Variants in ANKRD18A observed in about 807,000 individuals in gnomAD.
The protein encoded by ANKRD18A is ankyrin repeat domain 18A.
A neutral mutation model predicts 110.6 loss-of-function variants in ANKRD18A; 72 were observed. That is an observed-to-expected ratio of 0.65 (90% CI 0.54 to 0.79). ANKRD18A has a LOEUF of 0.79. Among genes scored for constraint, ANKRD18A ranks in the 30% least tolerant of loss-of-function variants. ANKRD18A has a pLI of 0.00. For synonymous variants in ANKRD18A, 305 were observed against 410.3 expected, an observed-to-expected ratio of 0.74 and a Z score of 3.10; for missense variants, 934 against 1,163.3, an observed-to-expected ratio of 0.80 and a Z score of 2.87.
intron 11 of ANKRD18A, among the ~76,000 whole-genome samples, chr9:38,588,121 G>T (rs1245416051): frequency 2.6e-5 from 4 of 151,880 alleles, no homozygotes; most frequent in Non-Finnish European, 5.9e-5. Flanking sequence ...AAAAATAGGC[G>T]TAATGTTTTG....
chr9:38,578,447 T>G (rs1181654225), intron 12 of ANKRD18A, among the ~76,000 whole-genome samples: 1 of 152,204 alleles, frequency 6.6e-6, no homozygotes, highest in Admixed American at 6.5e-5. Context: ...CTAAGTTATC[T>G]CTTAGTAAAA....
At chr9:38,590,060 C>T (rs1424653236) in intron 10 of ANKRD18A, among the ~76,000 whole-genome samples, 1 of 152,222 alleles carries the variant, frequency 6.6e-6, no homozygotes, top group South Asian at 2.1e-4. Context: ...ATGGATGTTA[C>T]TTTGAGTACA....
chr9:38,611,444 A>T, intron 3 of ANKRD18A, 123 bp from the exon 4 acceptor site: 1 of 1,460,636 alleles, frequency 6.8e-7, no homozygotes, highest in South Asian at 1.5e-5. Flanking sequence ...AATGCAAAGC[A>T]GTCCCGTCCC....
At chr9:38,600,714 C>T (rs377305578) in intron 8 of ANKRD18A, among the ~76,000 whole-genome samples, 1,653 of 152,148 alleles carry the variant, frequency 0.011, 13 homozygotes, top group African/African-American at 0.025. Flanking sequence ...CACTGGTGAC[C>T]GGCAACATAA....
At position 38,595,910 on chromosome 9, in the gene ANKRD18A, T is replaced by C; in HGVS notation, c.1430A>G (p.His477Arg). ...DKNELLTEQV[H>R]KARVKFNTLK... ...GGTATTGAACTTCACCCGAGCTTTATGGACCTGTTCAGTAAGCAACTCATT... is the reference window on the plus strand; with the variant it reads ...GGTATTGAACTTCACCCGAGCTTTACGGACCTGTTCAGTAAGCAACTCATT... Residue 477 changes from histidine to arginine, a missense_variant, in exon 9 of 16, where the codon CAT becomes CGT. Coordinates refer to ENST00000399703, the MANE Select transcript of ANKRD18A (RefSeq NM_147195.4). 2 of 1,551,290 alleles carry C rather than the reference T, an allele frequency of 1.3e-6. No individual in the cohort carries two copies. Among genetic ancestry groups the C allele is most frequent in the South Asian group, 1.2e-5 (1 of 83,970 alleles).
In ANKRD18A at chr9:38,620,505, A is replaced by T. The variant is rs1011162569; in HGVS notation, c.-220T>A. 4.3e-4 allele frequency: 601 copies of T among 1,383,832 alleles called. 7 individuals carry two copies. Among genetic ancestry groups the T allele is most frequent in the Non-Finnish European group, 9.4e-5 (100 of 1,066,110 alleles). 85.7% of individuals were successfully genotyped at this position (1,383,832 alleles called of 1,614,324 possible). A position where few individuals can be genotyped will look rare whatever the true frequency, so the allele number is the denominator to read the frequency against. On this transcript the variant is annotated 5_prime_UTR_variant, in exon 1 of 16. Coordinates refer to ENST00000399703, the MANE Select transcript of ANKRD18A (RefSeq NM_147195.4). The stretch of plus-strand genomic sequence containing the variant: ...GTCCACCACAGCCTTCAGCAGCGAC[A>T]CTCGCAGACTCCGACCTCTCAGACC...
the ANKRD18A span, chr9:38,566,283 G>A: frequency 6.6e-6 from 1 of 152,214 alleles, no homozygotes; most frequent in South Asian, 2.1e-4. Flanking sequence ...CTGAGTCAAG[G>A]CTGCAGCCTC....
At chr9:38,605,153 T>A (rs1430021231) in intron 6 of ANKRD18A, among the ~76,000 whole-genome samples, 1 of 152,212 alleles carries the variant, frequency 6.6e-6, no homozygotes, top group Non-Finnish European at 1.5e-5. Context: ...AAGCACTATT[T>A]CAGGTAGTAA....
intron 3 of ANKRD18A, among the ~76,000 whole-genome samples, chr9:38,615,334 A>G (rs1337089005): frequency 6.6e-6 from 1 of 152,202 alleles, no homozygotes; most frequent in African/African-American, 2.4e-5. Context: ...TAGAAAAAAA[A>G]TACACCTGGG....
At chr9:38,603,236 G>C in intron 6 of ANKRD18A, 24 bp from the exon 7 acceptor site, 1 of 1,550,638 alleles carries the variant, frequency 6.4e-7, no homozygotes, top group Non-Finnish European at 8.7e-7. Flanking sequence ...AAACTTGTTA[G>C]ATATTCCTTC....
At chr9:38,606,300 A>G (rs1160125909) in intron 6 of ANKRD18A, among the ~76,000 whole-genome samples, 1 of 140,272 alleles carries the variant, frequency 7.1e-6, no homozygotes, top group Non-Finnish European at 1.5e-5. Flanking sequence ...GAACAACAAG[A>G]GTTTGAACTG....
intron 12 of ANKRD18A, among the ~76,000 whole-genome samples, chr9:38,583,423 GC>G (rs1300539720): frequency 6.6e-6 from 1 of 152,078 alleles, no homozygotes; most frequent in Non-Finnish European, 1.5e-5. Context: ...TTGTTCCGTA[GC>G]CCAGGCTGGA....
chr9:38,573,342 T>G (rs1823735542), intron 15 of ANKRD18A, among the ~76,000 whole-genome samples: 1 of 152,204 alleles, frequency 6.6e-6, no homozygotes, highest in Non-Finnish European at 1.5e-5. Flanking sequence ...GTAATGCTAT[T>G]TAGAGTAATC....
In ANKRD18A at chr9:38,597,592, G is replaced by A. The variant is rs572653122; in HGVS notation, c.937-1189C>T. On this transcript the variant is annotated intron_variant, in intron 8 of 15. Coordinates refer to ENST00000399703, the MANE Select transcript of ANKRD18A (RefSeq NM_147195.4). ...GCCTAGCATTTCGTGGCACCAAAAG[G>A]GAAGATACAATTACATATTGCTGAA... Among the ~76,000 whole-genome samples, 17 of 152,072 alleles carry A rather than the reference G, an allele frequency of 1.1e-4. No individual in the cohort carries two copies. In the East Asian group the frequency reaches 3.3e-3, roughly 29 times the overall value.
In ANKRD18A at chr9:38,595,562, T is replaced by C. The variant is rs1824837639; in HGVS notation, c.1778A>G (p.Asn593Ser). 2 of 1,543,760 alleles carry C rather than the reference T, an allele frequency of 1.3e-6. No individual in the cohort carries two copies. The highest frequency in any genetic ancestry group is 1.7e-6 in the Non-Finnish European group (2 of 1,144,534). ...NGKEDLLEER[N>S]KELMKEYNYL... ...ATTATATTCTTTCATTAATTCCTTA[T>C]TTCTTTCTTCTAGAAGATCTTCCTT... is the stretch of plus-strand genomic sequence containing the variant. Residue 593 changes from asparagine to serine, a missense_variant, in exon 9 of 16, where the codon AAT becomes AGT. Physicochemically the swap from Asn to Ser is conservative, Grantham distance 46. This residue lies in a region of ANKRD18A where 630 missense variants were observed against 797.5 expected (regional missense o/e 0.79). Transcript: ENST00000399703.
intron 12 of ANKRD18A, among the ~76,000 whole-genome samples, chr9:38,582,266 G>T (rs1824197543): frequency 6.6e-6 from 1 of 152,206 alleles, no homozygotes; most frequent in African/African-American, 2.4e-5. Context: ...CTGGATAAGA[G>T]ACTAAAGGTT....
In ANKRD18A at chr9:38,571,803, A is replaced by G; in HGVS notation, c.*242T>C. On this transcript the variant is annotated 3_prime_UTR_variant, in exon 16 of 16. Transcript: ENST00000399703. ...ACTTAAAACTTAAGGAGGCTAAAAA[A>G]CATCATTTAAAATAACATATAAATA... The G allele has an allele frequency of 2.6e-6, 3 of 1,151,626 alleles. No individual in the cohort carries two copies. Among genetic ancestry groups the G allele is most frequent in the Non-Finnish European group, 3.2e-6 (3 of 931,858 alleles). The allele number at this position is 1,151,626 out of a possible 1,614,324, so 71.3% of individuals were successfully genotyped here.
Position 38,596,117 on chromosome 9 carries a change from T to C in ANKRD18A, c.1223A>G (p.Glu408Gly). 6.4e-7 allele frequency: 1 copy of C among 1,551,212 alleles called. No homozygotes were observed. Among genetic ancestry groups the C allele is most frequent in the Non-Finnish European group, 8.7e-7 (1 of 1,146,680 alleles). Residue 408 changes from glutamate to glycine, a missense_variant, in exon 9 of 16, where the codon GAA becomes GGA. By Grantham distance (98) the Glu-to-Gly change is moderately conservative (BLOSUM62 -2). Coordinates refer to ENST00000399703, the MANE Select transcript of ANKRD18A (RefSeq NM_147195.4). ...NARLNSELEK[E>G]KHNKERLEAE... ...TTCTAGTCTTTCTTTGTTGTGTTTTTCCTTCTCCAATTCTGAATTCAGCCT... is the reference window on the plus strand; with the variant it reads ...TTCTAGTCTTTCTTTGTTGTGTTTTCCCTTCTCCAATTCTGAATTCAGCCT...
chr9:38,578,783 C>T (rs922027132), intron 12 of ANKRD18A, among the ~76,000 whole-genome samples: 1 of 152,148 alleles, frequency 6.6e-6, no homozygotes, highest in Non-Finnish European at 1.5e-5. Flanking sequence ...AGTTGGGAGA[C>T]TGAGGCAAAA....
Sources: gnomAD v4.1 joint callset for allele counts (sites outside exome capture counted in the v4.1 genomes callset) on GRCh38, gnomAD v4.1.1 for gene constraint, gnomAD v4.1.1 regional missense constraint, MANE v1.5 for transcripts, NCBI Gene and HGNC (gene_info 2026-07-23, HGNC 2026-07-21) for gene names.